Variants in ATG5 observed in about 807,000 individuals in gnomAD.
ATG5 encodes the protein autophagy related 5.
Under a neutral mutation model 36.5 loss-of-function variants are expected in ATG5, and 14 were observed. The ratio of observed to expected loss-of-function variants is 0.38; its 90% CI spans 0.25 to 0.60. ATG5 has a LOEUF of 0.60. Ranked by LOEUF, ATG5 falls within the 20% of genes least tolerant of loss-of-function variation. The probability of loss-of-function intolerance (pLI) is 0.60; values close to 1 mark genes in which losing one functional copy is unlikely to be tolerated. For synonymous variants in ATG5, 95 were observed against 101.5 expected (o/e 0.94, Z 0.38); for missense variants, 195 against 326.7 (o/e 0.60, Z 3.11).
intron 6 of ATG5, among the ~76,000 whole-genome samples, chr6:106,224,068 A>T (rs1003583710): frequency 6.6e-6 from 1 of 152,254 alleles, no homozygotes; most frequent in Non-Finnish European, 1.5e-5. Context: ...ATGTGAAGAA[A>T]TCAAGGAAGA....
chr6:106,223,710 AAT>A (rs1777338394), intron 6 of ATG5, among the ~76,000 whole-genome samples: 1 of 152,262 alleles, frequency 6.6e-6, no homozygotes, highest in African/African-American at 2.4e-5. Flanking sequence ...TTGAGGAATT[AAT>A]AGTTTACTGC....
intron 6 of ATG5, among the ~76,000 whole-genome samples, chr6:106,246,422 ACACACAC>A (rs1778341939): frequency 6.8e-6 from 1 of 148,120 alleles, no homozygotes; most frequent in Admixed American, 6.7e-5. Context: ...ACACACACAC[ACACACAC>A]ACCCTTTCTC....
chr6:106,323,870 G>A (rs574718801), intron 1 of ATG5, among the ~76,000 whole-genome samples: 19 of 152,184 alleles, frequency 1.2e-4, no homozygotes, highest in Non-Finnish European at 2.5e-4. Flanking sequence ...AAATGACTTG[G>A]CCCCATTTCC....
At chr6:106,246,671 T>G (rs1402849138) in intron 6 of ATG5, among the ~76,000 whole-genome samples, 1 of 152,202 alleles carries the variant, frequency 6.6e-6, no homozygotes, top group Non-Finnish European at 1.5e-5. Context: ...ATGCCAGAAC[T>G]TGACCCAAAT....
intron 4 of ATG5, among the ~76,000 whole-genome samples, chr6:106,284,484 G>T (rs936115775): frequency 1.3e-5 from 2 of 151,960 alleles, no homozygotes; most frequent in East Asian, 3.9e-4. Flanking sequence ...CAAATAGCTG[G>T]GACTATAGGC....
intron 3 of ATG5, among the ~76,000 whole-genome samples, chr6:106,295,168 A>G (rs541360067): frequency 1.3e-5 from 2 of 152,334 alleles, no homozygotes; most frequent in South Asian, 4.1e-4. Context: ...AACAAGCTCT[A>G]AATAATACCT....
At chr6:106,292,738 G>C in intron 4 of ATG5, among the ~76,000 whole-genome samples, 1 of 152,138 alleles carries the variant, frequency 6.6e-6, no homozygotes, top group Non-Finnish European at 1.5e-5. Context: ...CCAAAGTGCT[G>C]GGATTACAGG....
chr6:106,195,153 C>A (rs749561188), intron 7 of ATG5, among the ~76,000 whole-genome samples: 48 of 152,184 alleles, frequency 3.2e-4, no homozygotes, highest in Non-Finnish European at 7.3e-5. Context: ...AGAACAATGA[C>A]CTAAAGCACG....
At chr6:106,300,282 T>C (rs567674658) in intron 3 of ATG5, among the ~76,000 whole-genome samples, 12 of 152,136 alleles carry the variant, frequency 7.9e-5, no homozygotes, top group Non-Finnish European at 1.3e-4. Context: ...CCTGCATAAA[T>C]GGGTTAAGTT....
chr6:106,202,665 C>A (rs1162274931), intron 6 of ATG5, among the ~76,000 whole-genome samples: 3 of 152,088 alleles, frequency 2.0e-5, no homozygotes, highest in African/African-American at 7.2e-5. Context: ...ACTTAATCTT[C>A]TTTCTCTTTT....
chr6:106,237,456 T>C (rs951727988), intron 6 of ATG5, among the ~76,000 whole-genome samples: 7 of 152,208 alleles, frequency 4.6e-5, no homozygotes, highest in Non-Finnish European at 7.4e-5. Flanking sequence ...ATTTGTACTT[T>C]AGTCCTTGTT....
At chr6:106,269,226 G>C (rs184465888) in intron 5 of ATG5, among the ~76,000 whole-genome samples, 9 of 152,198 alleles carry the variant, frequency 5.9e-5, no homozygotes, top group African/African-American at 1.9e-4. Flanking sequence ...CCCTGAGCTA[G>C]ACACAGGGTG....
At chr6:106,301,947 T>C (rs1169698759) in intron 3 of ATG5, among the ~76,000 whole-genome samples, 1 of 152,032 alleles carries the variant, frequency 6.6e-6, no homozygotes, top group Non-Finnish European at 1.5e-5. Flanking sequence ...ATACCGCTAG[T>C]AAGTGATGAA....
chr6:106,201,411 A>G (rs1247143071), intron 7 of ATG5, among the ~76,000 whole-genome samples: 1 of 152,140 alleles, frequency 6.6e-6, no homozygotes, highest in East Asian at 1.9e-4. Flanking sequence ...GAATTCAGAA[A>G]TTTTAAAATT....
intron 4 of ATG5, among the ~76,000 whole-genome samples, chr6:106,288,238 G>A (rs1178002030): frequency 6.6e-6 from 1 of 152,078 alleles, no homozygotes; most frequent in Non-Finnish European, 1.5e-5. Context: ...CCAAGGTGCT[G>A]GGATTACAGG....
At chr6:106,268,663 T>C (rs1466351185) in intron 5 of ATG5, among the ~76,000 whole-genome samples, 1 of 152,200 alleles carries the variant, frequency 6.6e-6, no homozygotes, top group African/African-American at 2.4e-5. Flanking sequence ...AGAGAAAATG[T>C]GTCACATATA....
intron 5 of ATG5, among the ~76,000 whole-genome samples, chr6:106,266,195 A>T (rs1356512771): frequency 6.6e-6 from 1 of 152,230 alleles, no homozygotes; most frequent in African/African-American, 2.4e-5. Flanking sequence ...AATACAAACC[A>T]CCATCAGAGA....
intron 7 of ATG5, among the ~76,000 whole-genome samples, chr6:106,196,793 A>C (rs1426628840): frequency 2.6e-5 from 4 of 152,156 alleles, no homozygotes; most frequent in Non-Finnish European, 5.9e-5. Context: ...TACAGTATTA[A>C]CACCCAACTA....
At chr6:106,292,360 TG>T (rs1226068139) in intron 4 of ATG5, among the ~76,000 whole-genome samples, 1 of 152,160 alleles carries the variant, frequency 6.6e-6, no homozygotes, top group East Asian at 1.9e-4. Flanking sequence ...AGAAGCAAGG[TG>T]GCTAAGGGAA....
Sources: allele counts gnomAD v4.1 joint callset (sites outside exome capture counted in the v4.1 genomes callset), GRCh38; gene constraint gnomAD v4.1.1; transcripts MANE v1.5; gene names NCBI Gene and HGNC (gene_info 2026-07-23, HGNC 2026-07-21).